Variants in SNAP91 observed in about 807,000 individuals in gnomAD.
The protein encoded by SNAP91 is clathrin coat assembly protein AP180.
Under a neutral mutation model 100.3 loss-of-function variants are expected in SNAP91, and 27 were observed. The observed-to-expected ratio is 0.27, with a 90% CI of 0.20 to 0.37. SNAP91 has a LOEUF of 0.37. Ranked by LOEUF, SNAP91 falls within the 10% of genes least tolerant of loss-of-function variation. SNAP91 has a pLI of 1.00. For synonymous variants in SNAP91, 404 were observed against 398.6 expected (o/e 1.01, Z -0.16); for missense variants, 986 against 1,123.7 (o/e 0.88, Z 1.75).
intron 2 of SNAP91, among the ~76,000 whole-genome samples, chr6:83,681,215 T>G (rs1249779640): frequency 6.6e-6 from 1 of 152,148 alleles, no homozygotes; most frequent in Non-Finnish European, 1.5e-5. Flanking sequence ...AACCTAATAA[T>G]TTCTGAAGCA....
chr6:83,556,399 A>G (rs941524185), intron 28 of SNAP91, among the ~76,000 whole-genome samples, 154 bp from the exon 29 acceptor site: 3 of 84,602 alleles, frequency 3.5e-5, no homozygotes, highest in African/African-American at 9.6e-5. Flanking sequence ...GAGAGAGAAA[A>G]GCATTAGGCA....
At chr6:83,697,371 C>G (rs568110304) in intron 2 of SNAP91, among the ~76,000 whole-genome samples, 1 of 142,584 alleles carries the variant, frequency 7.0e-6, no homozygotes, top group South Asian at 2.2e-4. Context: ...CACACAATGC[C>G]GGCAAAGGAT....
chr6:83,593,001 T>G lies in SNAP91; in HGVS notation c.1791A>C (p.Pro597=), dbSNP rs543135489. 2 of 1,583,100 alleles carry G rather than the reference T, an allele frequency of 1.3e-6. No individual in the cohort carries two copies. The highest frequency in any genetic ancestry group is 1.8e-5 in the Admixed American group (1 of 55,636). The part of the protein sequence containing the change: ...DLFSTDAFSS[P]PQGASPVPES... ...CAGGCACAGGAGAGGCCCCTTGTGGTGGAGAGGAGAAAGCATCTTCCAAAA... is the reference window on the plus strand; with the variant it reads ...CAGGCACAGGAGAGGCCCCTTGTGGGGGAGAGGAGAAAGCATCTTCCAAAA... The change falls in exon 20 of 30, where the codon CCA becomes CCC. Residue 597 remains proline (P), a synonymous_variant. Transcript: ENST00000369694.
At chr6:83,582,547 TGA>T (rs923245910) in intron 22 of SNAP91, among the ~76,000 whole-genome samples, 191 bp from the exon 23 acceptor site, 2 of 152,302 alleles carry the variant, frequency 1.3e-5, no homozygotes, top group Admixed American at 6.5e-5. Flanking sequence ...CATGCATTAA[TGA>T]GAGATTTAAT....
intron 11 of SNAP91, among the ~76,000 whole-genome samples, chr6:83,611,863 A>ATTTTTTTTTTTTTTTTTTTT (rs750966269): frequency 1.1e-5 from 1 of 91,250 alleles, no homozygotes; most frequent in African/African-American, 5.0e-5. Context: ...CGCCCGGCTA[A>ATTTTTTTTTTTTTTTTTTTT]TTTTTTTTTT....
chr6:83,665,702 T>C, intron 2 of SNAP91, 121 bp from the exon 3 acceptor site: 1 of 790,026 alleles, frequency 1.3e-6, no homozygotes, highest in Non-Finnish European at 1.9e-6. Context: ...TGATAATAGC[T>C]GATAACAAAA....
rs183228310 is a variant in SNAP91 at position 83,699,651 on chromosome 6, T to C, written c.130+8147A>G. 3.3e-5 allele frequency among the ~76,000 whole-genome samples: 5 copies of C among 152,274 alleles called. No individual in the cohort carries two copies. In the East Asian group the frequency reaches 9.6e-4, roughly 29 times the overall value. ...CTGAAAAGCTGAGAATTTTCCAGAC[T>C]TGATGCGAGACATACATTCTCAGAT... On this transcript the variant is annotated intron_variant, in intron 2 of 29. Coordinates refer to ENST00000369694, the MANE Select transcript of SNAP91 (RefSeq NM_001242792.2).
intron 2 of SNAP91, among the ~76,000 whole-genome samples, chr6:83,702,533 T>C (rs2099327389): frequency 6.6e-6 from 1 of 152,212 alleles, no homozygotes; most frequent in Non-Finnish European, 1.5e-5. Flanking sequence ...AGATTTTAAT[T>C]TAAAATGCTA....
chr6:83,632,239 G>A (rs1049551826), intron 8 of SNAP91, among the ~76,000 whole-genome samples: 3 of 151,964 alleles, frequency 2.0e-5, no homozygotes, highest in African/African-American at 7.3e-5. Flanking sequence ...TAATTTAAAG[G>A]TATAGTTATA....
chr6:83,597,489 T>G (rs1338449640), intron 16 of SNAP91, among the ~76,000 whole-genome samples: 1 of 152,216 alleles, frequency 6.6e-6, no homozygotes, highest in African/African-American at 2.4e-5. Flanking sequence ...AATTTCTACA[T>G]TCTGTCAGTT....
At chr6:83,570,323 T>C (rs1584467378) in intron 26 of SNAP91, among the ~76,000 whole-genome samples, 1 of 152,118 alleles carries the variant, frequency 6.6e-6, no homozygotes, top group Admixed American at 6.5e-5. Context: ...TTAAAGCCAA[T>C]CAGTTTTAAA....
intron 8 of SNAP91, among the ~76,000 whole-genome samples, chr6:83,631,853 T>C (rs574296548): frequency 6.6e-6 from 1 of 152,314 alleles, no homozygotes. Flanking sequence ...TATTGAGATG[T>C]GAGGTACCAT....
At chr6:83,662,557 T>A (rs1287334089) in intron 3 of SNAP91, 135 bp from the exon 4 acceptor site, 1 of 369,458 alleles carries the variant, frequency 2.7e-6, no homozygotes, top group East Asian at 4.1e-5. Context: ...TTTCCTAGAA[T>A]GCTGAATTTC....
At chr6:83,690,937 T>G (rs755446309) in intron 2 of SNAP91, among the ~76,000 whole-genome samples, 2 of 152,118 alleles carry the variant, frequency 1.3e-5, no homozygotes, top group Admixed American at 6.6e-5. Flanking sequence ...ATTGCTAATA[T>G]TGAATTTCTT....
chr6:83,594,571 C>T (rs1562263566), intron 16 of SNAP91, 90 bp from the exon 17 acceptor site: 1 of 745,264 alleles, frequency 1.3e-6, no homozygotes, highest in African/African-American at 1.8e-5. Context: ...GTGAAGAAGG[C>T]TCCCTTATAC....
At chr6:83,651,920 G>T (rs772189992) in intron 7 of SNAP91, among the ~76,000 whole-genome samples, 7 of 152,038 alleles carry the variant, frequency 4.6e-5, no homozygotes, top group Non-Finnish European at 4.4e-5. Flanking sequence ...TTTGTTGATT[G>T]TCTGCTGTTA....
At chr6:83,629,879 G>A (rs527448883) in intron 8 of SNAP91, among the ~76,000 whole-genome samples, 51 of 151,880 alleles carry the variant, frequency 3.4e-4, no homozygotes, top group Non-Finnish European at 5.3e-4. Flanking sequence ...TAGGACTTCC[G>A]GTACTATGTT....
intron 11 of SNAP91, chr6:83,611,496 A>G (rs1349928732): frequency 2.2e-6 from 1 of 454,658 alleles, no homozygotes; most frequent in Non-Finnish European, 4.4e-6. Flanking sequence ...GACTAAATAC[A>G]TTTCAATAAG....
intron 28 of SNAP91, among the ~76,000 whole-genome samples, chr6:83,558,928 A>C (rs2127800206): frequency 6.6e-6 from 1 of 152,312 alleles, no homozygotes; most frequent in East Asian, 1.9e-4. Context: ...CACTAAGACT[A>C]GCACCACTAG....
Sources: allele counts gnomAD v4.1 joint callset (sites outside exome capture counted in the v4.1 genomes callset), GRCh38; gene constraint gnomAD v4.1.1; transcripts MANE v1.5; gene names NCBI Gene and HGNC (gene_info 2026-07-23, HGNC 2026-07-21).